The following AFG1L variants were observed in gnomAD, a reference collection of about 807,000 sequenced individuals.
AFG1L encodes the protein AFG1 like ATPase.
AFG1L carries 53 observed loss-of-function variants against 62.2 expected under a neutral mutation model. The observed-to-expected ratio is 0.85, with a 90% CI of 0.68 to 1.07. AFG1L has a LOEUF of 1.07. Ranked by LOEUF, AFG1L falls within the 50% of genes least tolerant of loss-of-function variation. The pLI is 0.00. For synonymous variants in AFG1L, 228 were observed against 210.3 expected, an observed-to-expected ratio of 1.08 and a Z score of -0.73; for missense variants, 555 against 590.5, an observed-to-expected ratio of 0.94 and a Z score of 0.62.
chr6:108,379,542 G>T (rs1443031728), intron 6 of AFG1L, among the ~76,000 whole-genome samples: 1 of 152,212 alleles, frequency 6.6e-6, no homozygotes, highest in Non-Finnish European at 1.5e-5. Flanking sequence ...TTGGGAGGGT[G>T]GCAATGGGAG....
rs950552014 is a variant in AFG1L at position 108,525,654 on chromosome 6, A to G, written c.*3229A>G. ...TAAATAAACTCTTTTGATCCATATA[A>G]CAGTCTTATGAGATAGGTGCCATTA... On this transcript the variant is annotated 3_prime_UTR_variant, in exon 13 of 13. Transcript: ENST00000368977. The G allele has an allele frequency of 1.3e-5, 2 of 152,250 alleles. No individual in the cohort carries two copies. The highest frequency in any genetic ancestry group is 2.9e-5 in the Non-Finnish European group (2 of 68,042). The allele number at this position is 152,250 out of a possible 1,614,324, so 9.4% of individuals were successfully genotyped here.
At chr6:108,337,699 AG>A (rs1198297184) in intron 2 of AFG1L, among the ~76,000 whole-genome samples, 3 of 152,220 alleles carry the variant, frequency 2.0e-5, no homozygotes, top group Non-Finnish European at 2.9e-5. Context: ...TTTTCAGTTA[AG>A]TAGAAACCTA....
At chr6:108,417,957 C>T (rs981501559) in intron 7 of AFG1L, among the ~76,000 whole-genome samples, 10 of 152,066 alleles carry the variant, frequency 6.6e-5, no homozygotes, top group African/African-American at 2.4e-4. Flanking sequence ...CCTCAGCCTC[C>T]CGGGTAGCTG....
intron 11 of AFG1L, among the ~76,000 whole-genome samples, chr6:108,511,065 G>T (rs1487719391): frequency 6.7e-6 from 1 of 149,432 alleles, no homozygotes; most frequent in Non-Finnish European, 1.5e-5. Context: ...TCCAGCCTGG[G>T]TGACAGAGTG....
At chr6:108,498,899 G>A (rs1048496110) in intron 10 of AFG1L, among the ~76,000 whole-genome samples, 4 of 151,992 alleles carry the variant, frequency 2.6e-5, no homozygotes, top group African/African-American at 4.8e-5. Context: ...ACTTGAACCC[G>A]GGAGGCAGAG....
chr6:108,482,231 A>T (rs75955333), intron 10 of AFG1L, among the ~76,000 whole-genome samples: 1 of 152,160 alleles, frequency 6.6e-6, no homozygotes. Context: ...ATGACAAAAG[A>T]TCTACTTAAA....
chr6:108,366,364 A>G, intron 6 of AFG1L, 32 bp downstream of exon 6: 1 of 1,346,830 alleles, frequency 7.4e-7, no homozygotes, highest in Non-Finnish European at 1.1e-6. Context: ...GTCTCATCCA[A>G]TTAGGTGGAA....
intron 8 of AFG1L, among the ~76,000 whole-genome samples, chr6:108,466,425 C>T (rs1772667226): frequency 6.6e-6 from 1 of 152,064 alleles, no homozygotes; most frequent in Non-Finnish European, 1.5e-5. Flanking sequence ...ATTGTGTCCC[C>T]CAAAATTCAC....
At chr6:108,374,530 G>A (rs1425937130) in intron 6 of AFG1L, among the ~76,000 whole-genome samples, 2 of 152,116 alleles carry the variant, frequency 1.3e-5, no homozygotes, top group Non-Finnish European at 2.9e-5. Context: ...GAAAGGTCCA[G>A]TTTCATTCTT....
chr6:108,403,835 G>A (rs1201543116), intron 7 of AFG1L, among the ~76,000 whole-genome samples: 1 of 151,098 alleles, frequency 6.6e-6, no homozygotes. Context: ...TCTTTGGCCA[G>A]TAATTAGTCA....
At chr6:108,422,498 A>T (rs1338280415) in intron 7 of AFG1L, among the ~76,000 whole-genome samples, 2 of 148,680 alleles carry the variant, frequency 1.3e-5, no homozygotes, top group South Asian at 4.2e-4. Flanking sequence ...AAAAAAAAAA[A>T]AGAAGAAGAA....
chr6:108,425,858 A>G (rs1488466319), intron 7 of AFG1L, among the ~76,000 whole-genome samples: 1 of 152,086 alleles, frequency 6.6e-6, no homozygotes, highest in African/African-American at 2.4e-5. Flanking sequence ...TGATATCCAG[A>G]TACTGTTTTA....
chr6:108,463,652 G>C (rs965509764), intron 8 of AFG1L, among the ~76,000 whole-genome samples: 1 of 152,080 alleles, frequency 6.6e-6, no homozygotes, highest in Non-Finnish European at 1.5e-5. Flanking sequence ...ATAATGTACA[G>C]GTCAAGATTA....
chr6:108,340,045 C>A (rs945735934), intron 2 of AFG1L, among the ~76,000 whole-genome samples: 3 of 151,814 alleles, frequency 2.0e-5, no homozygotes, highest in Non-Finnish European at 4.4e-5. Context: ...TCCACCCCAG[C>A]CTCCCACTAC....
At chr6:108,453,339 A>T in intron 8 of AFG1L, among the ~76,000 whole-genome samples, 1 of 152,242 alleles carries the variant, frequency 6.6e-6, no homozygotes, top group East Asian at 1.9e-4. Context: ...ATTTCAAAAA[A>T]AAAGTTTTTT....
intron 3 of AFG1L, among the ~76,000 whole-genome samples, chr6:108,352,634 A>G (rs1486153153): frequency 6.6e-6 from 1 of 152,150 alleles, no homozygotes; most frequent in African/African-American, 2.4e-5. Context: ...GCGTGATCTC[A>G]GCACACTGCA....
chr6:108,400,555 A>G (rs1311638635), intron 6 of AFG1L, among the ~76,000 whole-genome samples: 1 of 139,268 alleles, frequency 7.2e-6, no homozygotes, highest in Non-Finnish European at 1.5e-5. Flanking sequence ...TTTGCATTAT[A>G]TATTTATATA....
intron 1 of AFG1L, among the ~76,000 whole-genome samples, chr6:108,308,414 G>A (rs1465683524): frequency 6.6e-6 from 1 of 152,204 alleles, no homozygotes; most frequent in African/African-American, 2.4e-5. Context: ...GCCCCTCAAA[G>A]TGTTGGGATT....
At chr6:108,460,612 T>A (rs1772418807) in intron 8 of AFG1L, among the ~76,000 whole-genome samples, 5 of 152,200 alleles carry the variant, frequency 3.3e-5, no homozygotes. Context: ...TTTTTTGATT[T>A]TTTGAGACAA....
Sources: gnomAD v4.1 joint callset for allele counts (sites outside exome capture counted in the v4.1 genomes callset) on GRCh38, gnomAD v4.1.1 for gene constraint, MANE v1.5 for transcripts, NCBI Gene and HGNC (gene_info 2026-07-23, HGNC 2026-07-21) for gene names.